Variants in MCM3 observed in about 807,000 individuals in gnomAD.
The protein encoded by MCM3 is DNA replication licensing factor MCM3.
Under a neutral mutation model 91.3 loss-of-function variants are expected in MCM3, and 59 were observed. The observed-to-expected ratio is 0.65, with a 90% confidence interval of 0.52 to 0.80. The LOEUF (loss-of-function observed/expected upper bound fraction) is 0.80. MCM3 is among the 30% of genes least tolerant of loss of function. MCM3 has a pLI of 0.00. For missense variants in MCM3, 919 were observed against 1,035.4 expected, an observed-to-expected ratio of 0.89 and a Z score of 1.54; for synonymous variants, 383 against 379.6, an observed-to-expected ratio of 1.01 and a Z score of -0.10.
intron 2 of MCM3, 61 bp from the exon 3 acceptor site, chr6:52,282,922 A>G: frequency 8.7e-7 from 1 of 1,155,812 alleles, no homozygotes; most frequent in Non-Finnish European, 1.3e-6. Flanking sequence ...ATGGATCCTC[A>G]AAACAGCAGA....
Position 52,281,276 on chromosome 6 carries a change from A to C in MCM3, c.531+769T>G, listed in dbSNP as rs1386773360. 2.0e-5 allele frequency among the ~76,000 whole-genome samples: 3 copies of C among 152,250 alleles called. No individual in the cohort carries two copies. In the East Asian group the frequency reaches 5.8e-4, roughly 29 times the overall value. ...TAGCATTATTTTTCTACTTTTTAAA[A>C]AGCAGATTCTAAAATTATAACGTTG... is the stretch of plus-strand genomic sequence containing the variant. On this transcript the variant is annotated intron_variant, in intron 4 of 16. Coordinates refer to ENST00000596288, the MANE Select transcript of MCM3 (RefSeq NM_002388.6).
chr6:52,273,131 A>C, intron 11 of MCM3, 99 bp downstream of exon 11: 1 of 1,419,490 alleles, frequency 7.0e-7, no homozygotes, highest in Admixed American at 1.7e-5. Flanking sequence ...CATGGCTTTG[A>C]CCTGGGCATA....
At chr6:52,282,572 AC>A in intron 3 of MCM3, 80 bp downstream of exon 3, 1 of 1,350,540 alleles carries the variant, frequency 7.4e-7, no homozygotes, top group South Asian at 1.2e-5. Flanking sequence ...GCCACAAGCT[AC>A]CCAGATCTAC....
At chr6:52,265,396 TA>T in intron 16 of MCM3, 2 of 252,466 alleles carry the variant, frequency 7.9e-6, no homozygotes, top group South Asian at 3.7e-5. Context: ...CTACAAAAAG[TA>T]AAAAATAAAC....
At chr6:52,264,875 A>C in intron 16 of MCM3, 89 bp from the exon 17 acceptor site, 2 of 1,089,802 alleles carry the variant, frequency 1.8e-6, no homozygotes, top group South Asian at 1.3e-5. Flanking sequence ...CATAGTATTA[A>C]TACAGTAGAG....
chr6:52,273,477 TCA>T, intron 10 of MCM3, 121 bp from the exon 11 acceptor site: 1 of 953,928 alleles, frequency 1.0e-6, no homozygotes, highest in Admixed American at 2.5e-5. Context: ...CCAAAAAGAA[TCA>T]GACACATGGA....
chr6:52,266,840 T>C, intron 14 of MCM3, 144 bp from the exon 15 acceptor site: 4 of 685,782 alleles, frequency 5.8e-6, no homozygotes, highest in South Asian at 5.1e-5. Flanking sequence ...CTTTGCAAAC[T>C]GCTGCTTGTT....
intron 4 of MCM3, among the ~76,000 whole-genome samples, chr6:52,280,037 T>C (rs920304932): frequency 8.5e-5 from 13 of 152,232 alleles, no homozygotes. Flanking sequence ...CATAAATGAA[T>C]ACTATACAGC....
rs751526972 is a variant in MCM3, at chr6:52,284,717, T to G, written c.-43A>C. ...TACCTCCACCAAAGTCGCGTGGAGG[T>G]TCCCAGGATGACTCCACCCCGGCGC... On this transcript the variant is annotated 5_prime_UTR_variant, in exon 1 of 17. Transcript: ENST00000596288. The G allele has an allele frequency of 6.3e-7, 1 of 1,580,378 alleles. No individual in the cohort carries two copies.
rs768989890 is a variant in MCM3 at position 52,273,942 on chromosome 6, T to A, written c.1375-26A>T. On this transcript the variant is annotated intron_variant, in intron 9 of 16. Transcript: ENST00000596288. Reference sequence around the variant, plus strand: ...CTGGGGAATGCGAGGACAACAGAAGTGGACATGACATCAATAGGAAGAAAG... The same window carrying A: ...CTGGGGAATGCGAGGACAACAGAAGAGGACATGACATCAATAGGAAGAAAG... 4 of 1,570,456 alleles carry A rather than the reference T, an allele frequency of 2.5e-6. No individual in the cohort carries two copies. The South Asian group carries it at 4.6e-5, about 18-fold the overall frequency.
chr6:52,272,382 C>A lies in MCM3; in HGVS notation c.1746G>T (p.Leu582=), dbSNP rs765501758. 2 of 1,614,158 alleles carry A rather than the reference C, an allele frequency of 1.2e-6. 1 individual carries two copies. Among genetic ancestry groups the A allele is most frequent in the South Asian group, 2.2e-5 (2 of 91,082 alleles). ...CAATGTAGGTGGCCGACTCCTGTGT[C>A]AGGACAGGCTTGATGATTTTGGCCA... is the stretch of plus-strand genomic sequence containing the variant. The part of the protein sequence containing the change: ...IHVAKIIKPV[L]TQESATYIAE... Residue 582 remains leucine (L), a synonymous_variant, in exon 12 of 17, where the codon CTG becomes CTT. Coordinates refer to ENST00000596288, the MANE Select transcript of MCM3 (RefSeq NM_002388.6).
At chr6:52,269,731 G>A (rs1227084936) in intron 12 of MCM3, among the ~76,000 whole-genome samples, 2 of 152,336 alleles carry the variant, frequency 1.3e-5, no homozygotes, top group African/African-American at 4.8e-5. Context: ...TCAGTCCGGA[G>A]AAGGAGAACT....
intron 5 of MCM3, 22 bp from the exon 6 acceptor site, chr6:52,278,872 G>C (rs149253883): frequency 6.5e-7 from 1 of 1,541,140 alleles, no homozygotes; most frequent in Non-Finnish European, 8.9e-7. Context: ...AGAATAAAGA[G>C]GAAACCCGTT....
chr6:52,283,482 G>A, intron 1 of MCM3, 76 bp from the exon 2 acceptor site: 1 of 988,934 alleles, frequency 1.0e-6, no homozygotes, highest in Non-Finnish European at 1.6e-6. Flanking sequence ...AGTTCTCATA[G>A]CCAGATAGCT....
In MCM3 at chr6:52,279,488, G is replaced by C. The variant is rs34890826; in HGVS notation, c.643C>G (p.Arg215Gly). Residue 215 changes from arginine (R) to glycine (G), a missense_variant, in exon 5 of 17, where the codon CGC becomes GGC. Around this residue, in one of 3 missense-constraint regions of MCM3, gnomAD observed 401 missense variants for 402.7 expected, o/e 1.00. Transcript: ENST00000596288. ...PEKAPAGQLP[R>G]SVDVILDDDL... ...TCATCCAGAATGACGTCCACAGAGC[G>C]GGGGAGCTGGCCGGCTGGGGCCTTC... 5.0e-6 allele frequency: 8 copies of C among 1,614,136 alleles called. No individual in the cohort carries two copies. The highest frequency in any genetic ancestry group is 3.3e-5 in the Admixed American group (2 of 60,024).
rs760968231 is a variant in MCM3 at position 52,273,833 on chromosome 6, C to T, written c.1458G>A (p.Leu486=). The T allele has an allele frequency of 6.9e-5, 112 of 1,614,028 alleles. 3 individuals are homozygous for T. In the South Asian group the frequency reaches 1.2e-3, roughly 17 times the overall value. Residue 486 remains leucine, a synonymous_variant, in exon 10 of 17, where the codon CTG becomes CTA. Transcript: ENST00000596288. The part of the protein sequence containing the change: ...LSRFDLLFIM[L]DQMDPEQDRE... ...GATCCTGCTCAGGATCCATCTGATC[C>T]AGCATGATGAAGAGCAAGTCAAATC... is the stretch of plus-strand genomic sequence containing the variant.
chr6:52,271,052 A>T (rs1248796165), intron 12 of MCM3, among the ~76,000 whole-genome samples: 1 of 152,054 alleles, frequency 6.6e-6, no homozygotes, highest in Non-Finnish European at 1.5e-5. Flanking sequence ...CTCTACTAAA[A>T]ATACAAAATT....
chr6:52,284,550 C>A (rs751995751), intron 1 of MCM3, 47 bp downstream of exon 1: 1 of 1,542,820 alleles, frequency 6.5e-7, no homozygotes, highest in East Asian at 2.4e-5. Flanking sequence ...GGGCCGCGTC[C>A]GCAGGGGCTC....
Position 52,264,271 on chromosome 6 carries a change from T to A in MCM3, c.*317A>T. ...AAAACAGTTGTGCCCCCAAAAGTAC[T>A]CAGAAGTCATATGTTATTTACAATT... On this transcript the variant is annotated 3_prime_UTR_variant, in exon 17 of 17. Coordinates refer to ENST00000596288, the MANE Select transcript of MCM3 (RefSeq NM_002388.6). The A allele has an allele frequency of 3.4e-6, 1 of 291,904 alleles. No individual in the cohort carries two copies. Among genetic ancestry groups the A allele is most frequent in the South Asian group, 4.2e-5 (1 of 23,854 alleles). The allele number at this position is 291,904 out of a possible 1,614,324, so 18.1% of individuals were successfully genotyped here. A position where few individuals can be genotyped will look rare whatever the true frequency, so the allele number is the denominator to read the frequency against.
Sources: allele counts gnomAD v4.1 joint callset (sites outside exome capture counted in the v4.1 genomes callset), GRCh38; gene constraint gnomAD v4.1.1; regional missense constraint gnomAD v4.1.1; transcripts MANE v1.5; gene names NCBI Gene and HGNC (gene_info 2026-07-23, HGNC 2026-07-21).